SPATS2L: variants seen among roughly 807,000 people sequenced by gnomAD.
SPATS2L encodes the protein SPATS2-like protein.
SPATS2L carries 30 observed loss-of-function variants against 59.6 expected under a neutral mutation model. The ratio of observed to expected loss-of-function variants is 0.50; its 90% CI spans 0.38 to 0.68. The LOEUF (loss-of-function observed/expected upper bound fraction) is 0.68. SPATS2L is among the 30% of genes least tolerant of loss of function. SPATS2L has a pLI of 0.00. For synonymous variants in SPATS2L, 252 were observed against 263.5 expected, an observed-to-expected ratio of 0.96 and a Z score of 0.42; for missense variants, 615 against 700.0, an observed-to-expected ratio of 0.88 and a Z score of 1.37.
intron 3 of SPATS2L, among the ~76,000 whole-genome samples, chr2:200,411,341 A>G (rs41347147): frequency 0.02 from 3,073 of 152,266 alleles, 106 homozygotes; most frequent in African/African-American, 0.07. Context: ...TACCCATTTA[A>G]TCCATATTCT....
At chr2:200,339,238 G>A (rs2080243253) in intron 2 of SPATS2L, among the ~76,000 whole-genome samples, 2 of 152,040 alleles carry the variant, frequency 1.3e-5, no homozygotes, top group African/African-American at 4.8e-5. Context: ...AGTAATTTTA[G>A]CTTTTTTTTC....
intron 2 of SPATS2L, among the ~76,000 whole-genome samples, chr2:200,360,779 C>T (rs772392160): frequency 2.0e-5 from 3 of 152,140 alleles, no homozygotes; most frequent in Non-Finnish European, 2.9e-5. Context: ...AAGGAGCACT[C>T]TTTCTTTTTT....
At chr2:200,320,998 GA>G (rs910253650) in intron 1 of SPATS2L, among the ~76,000 whole-genome samples, 18 of 151,088 alleles carry the variant, frequency 1.2e-4, no homozygotes, top group African/African-American at 2.9e-4. Flanking sequence ...TTTCTTTTTT[GA>G]AAAAAAATCT....
intron 6 of SPATS2L, among the ~76,000 whole-genome samples, chr2:200,438,101 G>A (rs1020054988): frequency 6.6e-6 from 1 of 152,158 alleles, no homozygotes; most frequent in African/African-American, 2.4e-5. Flanking sequence ...ATGGTTTTAA[G>A]TAAAGCAAGG....
intron 2 of SPATS2L, among the ~76,000 whole-genome samples, chr2:200,360,687 T>A (rs1325270937): frequency 6.6e-6 from 1 of 152,200 alleles, no homozygotes; most frequent in Non-Finnish European, 1.5e-5. Context: ...TGGGATTTCC[T>A]CTAAATAAAT....
intron 2 of SPATS2L, among the ~76,000 whole-genome samples, chr2:200,345,171 C>T (rs2105829657): frequency 6.6e-6 from 1 of 152,244 alleles, no homozygotes; most frequent in East Asian, 1.9e-4. Context: ...AGAGGATTGC[C>T]TAGGTTGTCT....
chr2:200,312,729 A>C (rs1385112462), intron 1 of SPATS2L, among the ~76,000 whole-genome samples: 1 of 152,248 alleles, frequency 6.6e-6, no homozygotes, highest in African/African-American at 2.4e-5. Context: ...TTGCGGGCAG[A>C]AACTGCATAT....
chr2:200,357,616 A>G (rs964738378), intron 2 of SPATS2L, among the ~76,000 whole-genome samples: 6 of 152,188 alleles, frequency 3.9e-5, no homozygotes, highest in African/African-American at 1.2e-4. Flanking sequence ...TACTTTTTCC[A>G]TACTCCAGCA....
At chr2:200,408,471 CCGGGT>C (rs1168552947) in intron 3 of SPATS2L, among the ~76,000 whole-genome samples, 5 of 152,168 alleles carry the variant, frequency 3.3e-5, no homozygotes, top group South Asian at 2.1e-4. Flanking sequence ...TTTGATAATG[CCGGGT>C]CTTTGCTGAT....
intron 2 of SPATS2L, among the ~76,000 whole-genome samples, chr2:200,345,960 A>G (rs1029577773): frequency 1.2e-4 from 19 of 152,012 alleles, no homozygotes; most frequent in Admixed American, 1.0e-3. Context: ...TAAAATTCCC[A>G]CCAGCTGTTA....
chr2:200,428,514 C>T (rs1424503417), intron 6 of SPATS2L, among the ~76,000 whole-genome samples: 1 of 152,160 alleles, frequency 6.6e-6, no homozygotes, highest in African/African-American at 2.4e-5. Flanking sequence ...GGTCCTTCAT[C>T]ATATAAAGCT....
chr2:200,476,788 A>G (rs1186447863), intron 12 of SPATS2L, among the ~76,000 whole-genome samples: 1 of 152,250 alleles, frequency 6.6e-6, no homozygotes, highest in Non-Finnish European at 1.5e-5. Flanking sequence ...GCAGAGGGTC[A>G]ATGTGACACT....
Position 200,385,838 on chromosome 2 carries a change from G to A in SPATS2L, c.-22-3385G>A, listed in dbSNP as rs190896760. ...CTCCCGAGTAGCTGGGACTACAGGC[G>A]CCCGCCACCACACCCAGCTAATTTT... On this transcript the variant is annotated intron_variant, in intron 2 of 12. Transcript: ENST00000409140. Among the ~76,000 whole-genome samples, 84 of 152,042 alleles carry A rather than the reference G, an allele frequency of 5.5e-4. No individual in the cohort carries two copies. In the East Asian group the frequency reaches 0.016, roughly 28 times the overall value.
chr2:200,314,864 C>A (rs965951006), intron 1 of SPATS2L, among the ~76,000 whole-genome samples: 1 of 152,094 alleles, frequency 6.6e-6, no homozygotes, highest in Non-Finnish European at 1.5e-5. Flanking sequence ...TCTTATTTAA[C>A]AAATTGTAAT....
intron 1 of SPATS2L, among the ~76,000 whole-genome samples, chr2:200,312,420 G>T (rs2079223069): frequency 6.6e-6 from 1 of 152,206 alleles, no homozygotes; most frequent in Non-Finnish European, 1.5e-5. Flanking sequence ...CCCATGGTCT[G>T]TAAAGCTAGG....
chr2:200,477,865 A>G lies in SPATS2L; in HGVS notation c.1511A>G (p.His504Arg), dbSNP rs771908165. Residue 504 changes from histidine (H) to arginine (R), a missense_variant, in exon 13 of 13, where the codon CAT becomes CGT. Around this residue, in one of 3 missense-constraint regions of SPATS2L, gnomAD observed 284 missense variants for 280.1 expected, o/e 1.01. Transcript: ENST00000409140. ...LGMKTPEAPAHSEKPRRRQHA... is the reference protein window; with the variant it reads ...LGMKTPEAPARSEKPRRRQHA... The stretch of plus-strand genomic sequence containing the variant: ...ATGAAGACCCCCGAGGCCCCGGCCC[A>G]TTCTGAAAAGCCCCGGCGAAGGCAG... 4.4e-6 allele frequency: 7 copies of G among 1,601,790 alleles called. No individual in the cohort carries two copies. The highest frequency in any genetic ancestry group is 3.5e-5 in the Admixed American group (2 of 57,670).
chr2:200,431,906 A>T (rs1286791501), intron 6 of SPATS2L, among the ~76,000 whole-genome samples: 1 of 152,250 alleles, frequency 6.6e-6, no homozygotes, highest in Non-Finnish European at 1.5e-5. Flanking sequence ...AGTAAAGTAT[A>T]TAAGTTGATA....
chr2:200,431,663 T>C (rs2083939293), intron 6 of SPATS2L, among the ~76,000 whole-genome samples: 1 of 152,236 alleles, frequency 6.6e-6, no homozygotes, highest in Non-Finnish European at 1.5e-5. Context: ...TTGAATTCTT[T>C]CTTCAGTCTA....
chr2:200,322,593 C>T lies in SPATS2L; in HGVS notation c.-72-6838C>T, dbSNP rs78681500. On this transcript the variant is annotated intron_variant, in intron 1 of 12. Coordinates refer to ENST00000409140, the MANE Select transcript of SPATS2L (RefSeq NM_001100423.2). ...AGTTGTCTTTAAAAAGTCAGCCATT[C>T]GGAACATTTCTCTTGGCAGCTCTCA... Among the ~76,000 whole-genome samples, 914 of 152,268 alleles carry T rather than the reference C, an allele frequency of 6.0e-3. 19 individuals carry two copies. The East Asian group carries it at 0.066, about 11-fold the overall frequency.
Sources: gnomAD v4.1 joint callset for allele counts (sites outside exome capture counted in the v4.1 genomes callset) on GRCh38, gnomAD v4.1.1 for gene constraint, gnomAD v4.1.1 regional missense constraint, MANE v1.5 for transcripts, NCBI Gene and HGNC (gene_info 2026-07-23, HGNC 2026-07-21) for gene names.